The following THSD7B variants were observed in gnomAD, a reference collection of about 807,000 sequenced individuals.
The protein encoded by THSD7B is thrombospondin type-1 domain-containing protein 7B.
Under a neutral mutation model 213.6 loss-of-function variants are expected in THSD7B, and 138 were observed. The observed-to-expected ratio is 0.65, with a 90% confidence interval of 0.56 to 0.74. THSD7B has a LOEUF of 0.74. THSD7B is among the 30% of genes least tolerant of loss of function. The pLI, the probability that THSD7B is intolerant of heterozygous loss-of-function variation, is 0.00. For missense variants in THSD7B, 1,931 were observed against 1,991.5 expected, an observed-to-expected ratio of 0.97 and a Z score of 0.58; for synonymous variants, 742 against 687.0, an observed-to-expected ratio of 1.08 and a Z score of -1.25.
chr2:137,273,437 A>G (rs1392982630), intron 11 of THSD7B, among the ~76,000 whole-genome samples: 1 of 152,094 alleles, frequency 6.6e-6, no homozygotes, highest in African/African-American at 2.4e-5. Context: ...TATTTGGATT[A>G]AATTCAATCT....
intron 15 of THSD7B, among the ~76,000 whole-genome samples, chr2:137,516,938 C>T (rs940190536): frequency 1.3e-5 from 2 of 152,216 alleles, no homozygotes; most frequent in Non-Finnish European, 2.9e-5. Flanking sequence ...GTTCAACTCT[C>T]CTATTTGAGC....
At chr2:137,489,753 T>C (rs1190550279) in intron 15 of THSD7B, among the ~76,000 whole-genome samples, 1 of 152,190 alleles carries the variant, frequency 6.6e-6, no homozygotes, top group Non-Finnish European at 1.5e-5. Flanking sequence ...ACATTCTAAA[T>C]ATATCCTCAA....
Position 136,789,327 on chromosome 2 carries a change from T to G in THSD7B, c.-36+23640T>G, listed in dbSNP as rs563008284. ...ATGATCACTACTTAGTTTTATTTTT[T>G]TATTTTTAATTTTTTAGCTTTTATT... On this transcript the variant is annotated intron_variant, in intron 1 of 27. Transcript: ENST00000409968. 1.8e-4 allele frequency among the ~76,000 whole-genome samples: 28 copies of G among 152,188 alleles called. 1 individual carries two copies. The South Asian group carries it at 4.4e-3, about 24-fold the overall frequency.
At chr2:137,312,482 AG>A (rs1256681148) in intron 12 of THSD7B, among the ~76,000 whole-genome samples, 1 of 149,782 alleles carries the variant, frequency 6.7e-6, no homozygotes, top group Non-Finnish European at 1.5e-5. Context: ...AATTTTTTGA[AG>A]GGTTTTTTGT....
intron 24 of THSD7B, among the ~76,000 whole-genome samples, chr2:137,657,641 G>T (rs1183769589): frequency 1.3e-5 from 2 of 152,158 alleles, no homozygotes; most frequent in Admixed American, 1.3e-4. Context: ...ACAGGTATTT[G>T]TATTCATGTA....
chr2:137,077,278 A>G (rs1317532505), intron 3 of THSD7B, among the ~76,000 whole-genome samples: 4 of 152,150 alleles, frequency 2.6e-5, no homozygotes, highest in African/African-American at 9.7e-5. Context: ...TAGTGCCGCA[A>G]TAAACATACT....
intron 3 of THSD7B, among the ~76,000 whole-genome samples, chr2:137,063,046 G>A (rs1687307942): frequency 6.6e-6 from 1 of 151,686 alleles, no homozygotes; most frequent in Admixed American, 6.6e-5. Context: ...TTATTATTAT[G>A]TAATGCCCAC....
chr2:136,881,646 A>G (rs956385384), intron 1 of THSD7B, among the ~76,000 whole-genome samples: 2 of 152,062 alleles, frequency 1.3e-5, no homozygotes, highest in African/African-American at 4.8e-5. Flanking sequence ...TAAAAGGTAT[A>G]CATTTAACAT....
chr2:137,264,528 G>A (rs1205948994), intron 10 of THSD7B, among the ~76,000 whole-genome samples: 1 of 152,088 alleles, frequency 6.6e-6, no homozygotes, highest in Non-Finnish European at 1.5e-5. Flanking sequence ...AATTACAGGC[G>A]TGAGCCACCG....
chr2:137,309,596 G>A (rs375722115), intron 12 of THSD7B, among the ~76,000 whole-genome samples: 3 of 151,868 alleles, frequency 2.0e-5, no homozygotes, highest in African/African-American at 4.8e-5. Flanking sequence ...ATGCTGGTGC[G>A]CTGCACCCAC....
chr2:136,901,756 A>G (rs550997716), intron 2 of THSD7B, among the ~76,000 whole-genome samples: 4 of 152,330 alleles, frequency 2.6e-5, no homozygotes, highest in Admixed American at 2.6e-4. Flanking sequence ...GATTTCTACA[A>G]AGCAAGGATA....
intron 12 of THSD7B, among the ~76,000 whole-genome samples, chr2:137,361,051 T>A (rs1198795872): frequency 6.6e-6 from 1 of 152,154 alleles, no homozygotes; most frequent in African/African-American, 2.4e-5. Flanking sequence ...CAATATTTGC[T>A]ATTCTGCAGA....
intron 2 of THSD7B, among the ~76,000 whole-genome samples, chr2:136,996,934 A>G (rs1277936730): frequency 6.6e-6 from 1 of 152,210 alleles, no homozygotes; most frequent in Non-Finnish European, 1.5e-5. Context: ...GGTTATCTTT[A>G]TTGAATGCAT....
chr2:137,547,508 TATA>T (rs1680764760), intron 15 of THSD7B, among the ~76,000 whole-genome samples: 1 of 152,026 alleles, frequency 6.6e-6, no homozygotes, highest in African/African-American at 2.4e-5. Flanking sequence ...AAGGCTATAT[TATA>T]ATCATTATTT....
chr2:136,967,989 T>C (rs1374846785), intron 2 of THSD7B, among the ~76,000 whole-genome samples: 1 of 152,182 alleles, frequency 6.6e-6, no homozygotes, highest in African/African-American at 2.4e-5. Context: ...ATTGAATGAA[T>C]ATTTCACAAT....
At chr2:137,007,699 A>G (rs1686144178) in intron 2 of THSD7B, among the ~76,000 whole-genome samples, 1 of 152,162 alleles carries the variant, frequency 6.6e-6, no homozygotes, top group Admixed American at 6.5e-5. Context: ...TGGTAGCATA[A>G]AAAAGAGATT....
Position 137,577,736 on chromosome 2 carries a change from C to T in THSD7B, c.3423+5180C>T, listed in dbSNP as rs181229958. The stretch of plus-strand genomic sequence containing the variant: ...AGCCATAAATACTTCTATATATCTT[C>T]CTAAGAGAGAATGATTAATGACAAC... On this transcript the variant is annotated intron_variant, in intron 17 of 27. Coordinates refer to ENST00000409968, the MANE Select transcript of THSD7B (RefSeq NM_001316349.2). 3.3e-5 allele frequency among the ~76,000 whole-genome samples: 5 copies of T among 152,186 alleles called. No homozygotes were observed. The East Asian group carries it at 9.6e-4, about 29-fold the overall frequency.
chr2:137,562,547 T>C (rs1681141798), intron 15 of THSD7B, among the ~76,000 whole-genome samples: 1 of 151,818 alleles, frequency 6.6e-6, no homozygotes. Context: ...TAAATATTCA[T>C]AGTCAGTAAT....
At chr2:137,321,299 C>A (rs1246114131) in intron 12 of THSD7B, among the ~76,000 whole-genome samples, 2 of 151,980 alleles carry the variant, frequency 1.3e-5, no homozygotes, top group African/African-American at 4.8e-5. Flanking sequence ...ATACCCTAGA[C>A]CTAAAAAGTG....
Sources: allele counts gnomAD v4.1 joint callset (sites outside exome capture counted in the v4.1 genomes callset), GRCh38; gene constraint gnomAD v4.1.1; transcripts MANE v1.5; gene names NCBI Gene and HGNC (gene_info 2026-07-23, HGNC 2026-07-21).